The following TBCD variants were observed in gnomAD, a reference collection of about 807,000 sequenced individuals.
TBCD encodes tubulin-specific chaperone D.
TBCD carries 105 observed loss-of-function variants against 169.3 expected under a neutral mutation model. The ratio of observed to expected loss-of-function variants is 0.62; its 90% CI spans 0.53 to 0.73. The LOEUF (loss-of-function observed/expected upper bound fraction) is 0.73, where lower values mean the gene tolerates loss of function less well. TBCD is among the 30% of genes least tolerant of loss of function. TBCD has a pLI of 0.00. For synonymous variants in TBCD, 700 were observed against 643.9 expected, an observed-to-expected ratio of 1.09 and a Z score of -1.32; for missense variants, 1,444 against 1,600.1, an observed-to-expected ratio of 0.90 and a Z score of 1.66.
chr17:82,813,874 C>T (rs908588112), intron 12 of TBCD, among the ~76,000 whole-genome samples: 3 of 152,238 alleles, frequency 2.0e-5, no homozygotes, highest in African/African-American at 7.2e-5. Context: ...CTCAGCCCCT[C>T]CTCTCTGGGC....
At chr17:82,853,296 A>C (rs2055963332) in intron 13 of TBCD, among the ~76,000 whole-genome samples, 1 of 151,772 alleles carries the variant, frequency 6.6e-6, no homozygotes, top group African/African-American at 2.4e-5. Context: ...GGGTTTTGCC[A>C]TGTAGCTGGT....
At chr17:82,901,259 T>C (rs1051822770) in intron 18 of TBCD, among the ~76,000 whole-genome samples, 2 of 152,246 alleles carry the variant, frequency 1.3e-5, no homozygotes, top group African/African-American at 4.8e-5. Flanking sequence ...GTTAGTGCTG[T>C]GACCGCCGCC....
At chr17:82,781,284 G>A (rs1173426638) in intron 6 of TBCD, among the ~76,000 whole-genome samples, 6 of 120,276 alleles carry the variant, frequency 5.0e-5, no homozygotes, top group East Asian at 3.0e-4. Flanking sequence ...CGGTGATGGG[G>A]ACAGGTAAAA....
chr17:82,871,355 T>C (rs1209086466), intron 14 of TBCD, among the ~76,000 whole-genome samples: 2 of 152,228 alleles, frequency 1.3e-5, no homozygotes, highest in Non-Finnish European at 2.9e-5. Flanking sequence ...TCCTTTCTTG[T>C]TGTGCATGAA....
chr17:82,854,845 C>T (rs1325493606), intron 13 of TBCD, among the ~76,000 whole-genome samples: 1 of 152,152 alleles, frequency 6.6e-6, no homozygotes, highest in Non-Finnish European at 1.5e-5. Context: ...GTCAGCATCG[C>T]AGTGGACACA....
chr17:82,884,221 A>C lies in TBCD; in HGVS notation c.1533+19A>C. ...AGCCTCTGTAAGTTTTCTCATTTTG[A>C]TATTTCCTTTCCTGAAGGTGGGGGG... On this transcript the variant is annotated intron_variant, in intron 15 of 38. Coordinates refer to ENST00000355528, the MANE Select transcript of TBCD (RefSeq NM_005993.5). This position sits in a 1 kb window ranked among gnomAD's most constrained non-coding sequence, Gnocchi z 4.2. The C allele has an allele frequency of 6.3e-7, 1 of 1,591,704 alleles. No homozygotes were observed. The highest frequency in any genetic ancestry group is 1.1e-5 in the South Asian group (1 of 87,626).
chr17:82,871,671 CGGTGGCAGATGCCCCT>C (rs1382276494), intron 14 of TBCD, among the ~76,000 whole-genome samples: 1 of 152,222 alleles, frequency 6.6e-6, no homozygotes, highest in Non-Finnish European at 1.5e-5. Context: ...GGCGGGGCGC[CGGTGGCAGATGCCCCT>C]GGTGGCAGGC....
rs999239301 is a variant in TBCD, at chr17:82,941,901, TTCTAA to T, written c.3564+419_3564+423del. The T allele has an allele frequency of 2.8e-4, 61 of 219,844 alleles. 1 individual carries two copies. The highest frequency in any genetic ancestry group is 3.5e-5 in the Non-Finnish European group (4 of 112,994). 13.6% of individuals were successfully genotyped at this position (219,844 alleles called of 1,614,324 possible). The stretch of plus-strand genomic sequence containing the variant: ...TGTGCACCTCACCAGCCCGTCACTC[TTCTAA>T]AGTAACAAAAACAAGTACCTCAGTT... On this transcript the variant is annotated intron_variant, in intron 38 of 38. Coordinates refer to ENST00000355528, the MANE Select transcript of TBCD (RefSeq NM_005993.5).
intron 5 of TBCD, 47 bp from the exon 6 acceptor site, chr17:82,772,405 T>A (rs759209347): frequency 1.2e-6 from 2 of 1,607,124 alleles, no homozygotes; most frequent in East Asian, 2.2e-5. Flanking sequence ...TCCCCAAGGC[T>A]GGCGTGTGCA....
At chr17:82,776,177 C>G (rs1277578115) in intron 6 of TBCD, among the ~76,000 whole-genome samples, 1 of 152,140 alleles carries the variant, frequency 6.6e-6, no homozygotes, top group African/African-American at 2.4e-5. Context: ...AGAGATCGCA[C>G]CATTGCACTC....
rs541970301 is a variant in TBCD, at chr17:82,930,127, C to T, written c.2992-395C>T. The stretch of plus-strand genomic sequence containing the variant: ...GACGTGAGGTGCCCTCTGCGCCGTG[C>T]GGGCGCGTGCGGGGAGACCCGGGCC... On this transcript the variant is annotated intron_variant, in intron 32 of 38. Transcript: ENST00000355528. The surrounding 1 kb of genome is among the most constrained non-coding windows in gnomAD (Gnocchi z 5.2). 4.0e-5 allele frequency: 11 copies of T among 277,872 alleles called. No homozygotes were observed. Among genetic ancestry groups the T allele is most frequent in the Non-Finnish European group, 5.6e-5 (8 of 143,940 alleles). 17.2% of individuals were successfully genotyped at this position (277,872 alleles called of 1,614,324 possible).
intron 2 of TBCD, among the ~76,000 whole-genome samples, chr17:82,758,245 C>T (rs573921634): frequency 5.9e-5 from 9 of 151,290 alleles, no homozygotes; most frequent in East Asian, 1.9e-4. Context: ...AAAAATTAGC[C>T]GCGTGTGGTG....
chr17:82,762,941 G>A (rs2047841154), intron 2 of TBCD, among the ~76,000 whole-genome samples: 2 of 152,198 alleles, frequency 1.3e-5, no homozygotes, highest in Non-Finnish European at 2.9e-5. Context: ...CCGGATGCCA[G>A]TTGCAGTTGT....
At chr17:82,857,190 T>A (rs2056385675) in intron 13 of TBCD, among the ~76,000 whole-genome samples, 1 of 152,236 alleles carries the variant, frequency 6.6e-6, no homozygotes, top group Non-Finnish European at 1.5e-5. Context: ...TGATTTTGAT[T>A]TGAATTTTTC....
In TBCD at chr17:82,920,561, G is replaced by C; in HGVS notation, c.2044G>C (p.Val682Leu). Reference protein sequence around the residue: ...GGQLMRQAVCVLIEKLSLSKM... With the variant: ...GGQLMRQAVCLLIEKLSLSKM... ...CTTTTTTTTTTTTTTTCCAGTGTGT[G>C]TTTTAATAGAAAAGTTGTCACTTTC... The change falls in exon 24 of 39, where the codon GTT becomes CTT. Residue 682 changes from valine to leucine, a missense_variant. Transcript: ENST00000355528. This position sits in a 1 kb window ranked among gnomAD's most constrained non-coding sequence, Gnocchi z 4.1. 1 of 1,522,820 alleles carries C rather than the reference G, an allele frequency of 6.6e-7. No homozygotes were observed. Among genetic ancestry groups the C allele is most frequent in the Non-Finnish European group, 8.8e-7 (1 of 1,135,902 alleles). 94.3% of individuals were successfully genotyped at this position (1,522,820 alleles called of 1,614,324 possible). A position where few individuals can be genotyped will look rare whatever the true frequency, so the allele number is the denominator to read the frequency against.
At chr17:82,907,945 C>A in intron 21 of TBCD, 124 bp downstream of exon 21, 1 of 1,001,268 alleles carries the variant, frequency 1.0e-6, no homozygotes. Flanking sequence ...CAGTCCTGGG[C>A]TCAGTGGGGG....
chr17:82,858,385 C>G (rs1288943990), intron 13 of TBCD: 1 of 159,448 alleles, frequency 6.3e-6, no homozygotes, highest in African/African-American at 2.4e-5. Flanking sequence ...CCTTTACCTA[C>G]TAAACTTACT....
At chr17:82,825,148 C>A (rs186353828) in intron 13 of TBCD, among the ~76,000 whole-genome samples, 307 of 152,282 alleles carry the variant, frequency 2.0e-3, no homozygotes, top group Middle Eastern at 6.8e-3. Context: ...CGGGGTTCTC[C>A]ATGCTGCCCT....
intron 13 of TBCD, among the ~76,000 whole-genome samples, chr17:82,850,388 C>T (rs2055666763): frequency 6.7e-6 from 1 of 148,680 alleles, no homozygotes; most frequent in African/African-American, 2.5e-5. Flanking sequence ...GTTGGCTGTG[C>T]TGTTGTTGGC....
Sources: gnomAD v4.1 joint callset for allele counts (sites outside exome capture counted in the v4.1 genomes callset) on GRCh38, gnomAD v4.1.1 for gene constraint, Gnocchi (gnomAD v3.1) non-coding constraint, MANE v1.5 for transcripts, NCBI Gene and HGNC (gene_info 2026-07-23, HGNC 2026-07-21) for gene names.